Variants in GRIN2A observed in about 807,000 individuals in gnomAD.
GRIN2A encodes the protein glutamate ionotropic receptor NMDA type subunit 2A.
A neutral mutation model predicts 113.4 loss-of-function variants in GRIN2A; 22 were observed. The ratio of observed to expected loss-of-function variants is 0.19; its 90% confidence interval spans 0.14 to 0.28. GRIN2A has a LOEUF of 0.28. Ranked by LOEUF, GRIN2A falls within the 10% of genes least tolerant of loss-of-function variation. The probability of loss-of-function intolerance (pLI) is 1.00; values close to 1 mark genes in which losing one functional copy is unlikely to be tolerated. For missense variants in GRIN2A, 1,502 were observed against 1,887.0 expected (o/e 0.80, Z 3.78); for synonymous variants, 827 against 738.4 (o/e 1.12, Z -1.94).
chr16:10,041,848 A>C (rs1049360287), intron 2 of GRIN2A, among the ~76,000 whole-genome samples: 2 of 152,196 alleles, frequency 1.3e-5, no homozygotes, highest in South Asian at 4.1e-4. Flanking sequence ...TGAATATGCT[A>C]ATTGGAAGTA....
intron 2 of GRIN2A, among the ~76,000 whole-genome samples, chr16:10,116,104 T>G (rs2048723775): frequency 6.6e-6 from 1 of 152,134 alleles, no homozygotes; most frequent in African/African-American, 2.4e-5. Flanking sequence ...ATAAAGAAAA[T>G]GTGGTACATA....
intron 4 of GRIN2A, among the ~76,000 whole-genome samples, chr16:9,866,034 A>C (rs1235702252): frequency 6.6e-6 from 1 of 152,176 alleles, no homozygotes; most frequent in Non-Finnish European, 1.5e-5. Context: ...TGGCCCACAA[A>C]GCCTAAAATA....
At chr16:9,856,133 A>G (rs1596502656) in intron 4 of GRIN2A, among the ~76,000 whole-genome samples, 1 of 152,172 alleles carries the variant, frequency 6.6e-6, no homozygotes, top group African/African-American at 2.4e-5. Flanking sequence ...TAGGACATAG[A>G]TAACTATAAT....
chr16:10,077,800 G>A (rs75490346), intron 2 of GRIN2A, among the ~76,000 whole-genome samples: 13,808 of 152,148 alleles, frequency 0.091, 698 homozygotes, highest in Non-Finnish European at 0.11. Context: ...ATGCTCTTCT[G>A]CGTAGCCCAC....
Position 9,764,456 on chromosome 16 carries a change from G to C in GRIN2A, c.3088C>G (p.Pro1030Ala). Residue 1030 changes from proline to alanine, a missense_variant, in exon 13 of 13, where the codon CCA (proline) becomes GCA (alanine). Pro to Ala is a conservative substitution (Grantham distance 27). This residue lies in a region of GRIN2A where 832 missense variants were observed against 789.7 expected (regional missense o/e 1.05). Coordinates refer to ENST00000330684, the MANE Select transcript of GRIN2A (RefSeq NM_001134407.3). ...GTTGCCTCATCCCTCTGGGAGACTG[G>C]ATTCTGGGATAGTGAATCCTGGCGT... The part of the protein sequence containing the change: ...SIRQDSLSQN[P>A]VSQRDEATAE... 6.2e-7 allele frequency: 1 copy of C among 1,614,130 alleles called. No individual in the cohort carries two copies. Among genetic ancestry groups the C allele is most frequent in the East Asian group, 2.2e-5 (1 of 44,874 alleles).
At chr16:9,844,917 G>A (rs1167658204) in intron 5 of GRIN2A, among the ~76,000 whole-genome samples, 1 of 152,068 alleles carries the variant, frequency 6.6e-6, no homozygotes, top group East Asian at 1.9e-4. Context: ...CGGTTACCTG[G>A]TATTCTTAGA....
intron 2 of GRIN2A, among the ~76,000 whole-genome samples, chr16:10,016,026 G>A (rs1016946685): frequency 6.7e-6 from 1 of 149,926 alleles, no homozygotes; most frequent in Non-Finnish European, 1.5e-5. Context: ...TGAGACAGGA[G>A]AATTGCTTGA....
intron 2 of GRIN2A, 82 bp from the exon 3 acceptor site, chr16:9,938,633 G>A (rs1272082961): frequency 7.5e-6 from 7 of 933,920 alleles, no homozygotes; most frequent in Non-Finnish European, 1.0e-5. Context: ...TAGAAGTAAG[G>A]AAAGTAAATC....
intron 9 of GRIN2A, among the ~76,000 whole-genome samples, chr16:9,828,019 A>G (rs1457903833): frequency 2.0e-5 from 3 of 152,130 alleles, no homozygotes; most frequent in Admixed American, 2.0e-4. Context: ...TGGGAGCCTG[A>G]GCTCATTCTG....
intron 10 of GRIN2A, among the ~76,000 whole-genome samples, chr16:9,798,886 T>A (rs1903175578): frequency 6.6e-6 from 1 of 152,150 alleles, no homozygotes; most frequent in Non-Finnish European, 1.5e-5. Flanking sequence ...TATTTTTTCC[T>A]CCCAAAAGAA....
chr16:10,064,430 C>A (rs2047609641), intron 2 of GRIN2A, among the ~76,000 whole-genome samples: 1 of 152,176 alleles, frequency 6.6e-6, no homozygotes. Context: ...GATCCTCAAA[C>A]ATTTTCAACT....
intron 3 of GRIN2A, among the ~76,000 whole-genome samples, chr16:9,900,951 T>A (rs1329857738): frequency 1.3e-5 from 2 of 152,190 alleles, no homozygotes; most frequent in Admixed American, 1.3e-4. Context: ...GCCAAATTAT[T>A]CAAGATCTCC....
At chr16:10,111,777 G>A (rs1430767744) in intron 2 of GRIN2A, 1 of 1,473,978 alleles carries the variant, frequency 6.8e-7, no homozygotes, top group Admixed American at 1.7e-5. Flanking sequence ...ATGTGCTGGA[G>A]GCCAAGATCC....
In GRIN2A at chr16:9,798,300, G is replaced by A. The variant is rs1903126651; in HGVS notation, c.2333C>T (p.Ala778Val). 1 of 1,613,978 alleles carries A rather than the reference G, an allele frequency of 6.2e-7. No homozygotes were observed. Among genetic ancestry groups the A allele is most frequent in the Non-Finnish European group, 8.5e-7 (1 of 1,179,934 alleles). ...GSPWKRQIDL[A>V]LLQFVGDGEM... ...ACCATCACCCACAAACTGAAGCAAG[G>A]CCAGGTCGATCTGCCTCTTCCAAGG... is the stretch of plus-strand genomic sequence containing the variant. The change falls in exon 11 of 13, where the codon GCC (alanine) becomes GTC (valine). Residue 778 changes from alanine (A) to valine (V), a missense_variant. Physicochemically the swap from Ala to Val is moderately conservative, Grantham distance 64. Coordinates refer to ENST00000330684, the MANE Select transcript of GRIN2A (RefSeq NM_001134407.3).
At chr16:9,847,421 C>T (rs2042791685) in intron 5 of GRIN2A, among the ~76,000 whole-genome samples, 1 of 151,634 alleles carries the variant, frequency 6.6e-6, no homozygotes, top group Non-Finnish European at 1.5e-5. Flanking sequence ...AAACATGAGC[C>T]AGACATGGTG....
intron 2 of GRIN2A, among the ~76,000 whole-genome samples, chr16:10,039,087 C>T (rs1439294919): frequency 6.6e-6 from 1 of 152,092 alleles, no homozygotes; most frequent in Non-Finnish European, 1.5e-5. Flanking sequence ...GTGCCCCTGA[C>T]GCTAGCACAG....
chr16:9,992,286 T>C (rs956235805), intron 2 of GRIN2A, among the ~76,000 whole-genome samples: 4 of 152,138 alleles, frequency 2.6e-5, no homozygotes, highest in South Asian at 2.1e-4. Flanking sequence ...AGCTAGTTTA[T>C]AGAGGAAGCT....
intron 2 of GRIN2A, among the ~76,000 whole-genome samples, chr16:9,997,077 G>GA (rs1420460969): frequency 6.6e-6 from 1 of 151,976 alleles, no homozygotes; most frequent in Admixed American, 6.6e-5. Context: ...CAACACAGAA[G>GA]AAAAAACAAC....
chr16:10,136,870 A>G (rs1057067576), intron 2 of GRIN2A, among the ~76,000 whole-genome samples: 1 of 152,240 alleles, frequency 6.6e-6, no homozygotes, highest in Non-Finnish European at 1.5e-5. Flanking sequence ...TTGAGAAATG[A>G]TCCCAGGAAA....
Sources: allele counts gnomAD v4.1 joint callset (sites outside exome capture counted in the v4.1 genomes callset), GRCh38; gene constraint gnomAD v4.1.1; regional missense constraint gnomAD v4.1.1; transcripts MANE v1.5; gene names NCBI Gene and HGNC (gene_info 2026-07-23, HGNC 2026-07-21).